The following LRP1B variants were observed in gnomAD, a reference collection of about 807,000 sequenced individuals.
LRP1B encodes low-density lipoprotein receptor-related protein 1B.
A neutral mutation model predicts 556.6 loss-of-function variants in LRP1B; 217 were observed. The ratio of observed to expected loss-of-function variants is 0.39; its 90% CI spans 0.35 to 0.44. LRP1B has a LOEUF of 0.44. Ranked by LOEUF, LRP1B falls within the 20% of genes least tolerant of loss-of-function variation. The pLI is 1.00. For synonymous variants in LRP1B, 2,047 were observed against 1,865.8 expected (o/e 1.10, Z -2.50); for missense variants, 5,053 against 5,620.8 (o/e 0.90, Z 3.23).
At chr2:140,793,629 T>C (rs928022209) in intron 32 of LRP1B, among the ~76,000 whole-genome samples, 9 of 152,052 alleles carry the variant, frequency 5.9e-5, no homozygotes, top group African/African-American at 1.9e-4. Flanking sequence ...TGTTCTCATT[T>C]GCCATGTCCC....
At chr2:141,373,460 T>C (rs1003795208) in intron 3 of LRP1B, among the ~76,000 whole-genome samples, 1 of 152,158 alleles carries the variant, frequency 6.6e-6, no homozygotes, top group African/African-American at 2.4e-5. Flanking sequence ...TACCTATTAT[T>C]GTATTGCTGT....
chr2:142,123,854 G>A (rs10496912), intron 1 of LRP1B, among the ~76,000 whole-genome samples: 39,246 of 151,482 alleles, frequency 0.26, 5,303 homozygotes, highest in Middle Eastern at 0.43. Context: ...TAAACAAATG[G>A]ATCTGTGGTA....
At chr2:140,267,894 C>A (rs1202530978) in intron 86 of LRP1B, among the ~76,000 whole-genome samples, 1 of 151,700 alleles carries the variant, frequency 6.6e-6, no homozygotes, top group African/African-American at 2.4e-5. Flanking sequence ...GGCCAATTAT[C>A]ATTTTTAAAT....
At chr2:141,075,642 C>T (rs1574048578) in intron 7 of LRP1B, among the ~76,000 whole-genome samples, 1 of 152,032 alleles carries the variant, frequency 6.6e-6, no homozygotes, top group East Asian at 1.9e-4. Context: ...AGGTGGGTAA[C>T]CTGATTCTGC....
intron 5 of LRP1B, among the ~76,000 whole-genome samples, chr2:141,236,566 G>A (rs1683653774): frequency 1.3e-5 from 2 of 152,134 alleles, no homozygotes; most frequent in Non-Finnish European, 2.9e-5. Context: ...ATGATAACAT[G>A]TTGGATTATT....
intron 1 of LRP1B, among the ~76,000 whole-genome samples, chr2:141,960,791 A>G (rs1198203918): frequency 6.6e-6 from 1 of 151,856 alleles, no homozygotes. Flanking sequence ...ACACTGATTA[A>G]TGTTTACAAT....
intron 7 of LRP1B, among the ~76,000 whole-genome samples, chr2:141,104,686 T>G (rs1473867701): frequency 6.6e-6 from 1 of 152,082 alleles, no homozygotes; most frequent in Non-Finnish European, 1.5e-5. Context: ...ATCTTTAAAA[T>G]TTCTAGAAAG....
chr2:140,530,090 C>T (rs148789564), intron 47 of LRP1B, among the ~76,000 whole-genome samples: 253 of 152,244 alleles, frequency 1.7e-3, no homozygotes, highest in African/African-American at 6.0e-3. Context: ...TTACTACTGA[C>T]ATCTAAATTC....
At position 141,401,520 on chromosome 2, in the gene LRP1B, T is replaced by C. The variant is rs527667610; in HGVS notation, c.343+78876A>G. On this transcript the variant is annotated intron_variant, in intron 3 of 90. Transcript: ENST00000389484. ...CTGTGTTGAGCAGATGGTCAATGTC[T>C]ATAGCCAGTGTGCCTGTCCATGTTA... Among the ~76,000 whole-genome samples, 4 of 152,292 alleles carry C rather than the reference T, an allele frequency of 2.6e-5. No individual in the cohort carries two copies. The East Asian group carries it at 7.7e-4, about 29-fold the overall frequency.
chr2:141,164,104 T>C (rs1276083046), intron 7 of LRP1B, among the ~76,000 whole-genome samples: 1 of 151,992 alleles, frequency 6.6e-6, no homozygotes, highest in Non-Finnish European at 1.5e-5. Flanking sequence ...TAAATATGGG[T>C]AAGATAATTA....
intron 18 of LRP1B, among the ~76,000 whole-genome samples, chr2:140,959,565 AAAT>A (rs951724473): frequency 2.0e-5 from 3 of 151,730 alleles, no homozygotes; most frequent in African/African-American, 4.8e-5. Flanking sequence ...GTAATTAAGA[AAAT>A]AATAAATTTG....
chr2:141,746,133 C>T (rs911507305), intron 2 of LRP1B, among the ~76,000 whole-genome samples: 2 of 152,086 alleles, frequency 1.3e-5, no homozygotes, highest in Non-Finnish European at 2.9e-5. Flanking sequence ...TACAAGCACT[C>T]CCTTAGCCAC....
intron 2 of LRP1B, among the ~76,000 whole-genome samples, chr2:141,530,970 C>A (rs1246489141): frequency 6.9e-6 from 1 of 145,054 alleles, no homozygotes; most frequent in Admixed American, 6.9e-5. Flanking sequence ...TTTTTTTTTT[C>A]TGAGTAAAGT....
intron 3 of LRP1B, among the ~76,000 whole-genome samples, chr2:141,459,300 A>T (rs1159000925): frequency 6.6e-6 from 1 of 152,098 alleles, no homozygotes; most frequent in African/African-American, 2.4e-5. Flanking sequence ...GTGAAGAAAT[A>T]TCTTGACCCA....
At chr2:142,103,107 A>C (rs1324352349) in intron 1 of LRP1B, among the ~76,000 whole-genome samples, 1 of 151,930 alleles carries the variant, frequency 6.6e-6, no homozygotes, top group Non-Finnish European at 1.5e-5. Context: ...GGGTTAAGTA[A>C]TGTTTTTGCT....
Position 140,312,600 on chromosome 2 carries a change from A to G in LRP1B, c.12805+2335T>C, listed in dbSNP as rs75460533. On this transcript the variant is annotated intron_variant, in intron 83 of 90. Coordinates refer to ENST00000389484, the MANE Select transcript of LRP1B (RefSeq NM_018557.3). ...TTTTCAATAACAAATGCTTAATACT[A>G]TGCTTTACTCTGATTTCAATTATTT... 5.1e-3 allele frequency among the ~76,000 whole-genome samples: 773 copies of G among 152,044 alleles called. 6 individuals carry two copies. The highest frequency in any genetic ancestry group is 0.017 in the African/African-American group (719 of 41,568).
intron 71 of LRP1B, among the ~76,000 whole-genome samples, chr2:140,370,342 C>A (rs776102448): frequency 2.0e-5 from 3 of 151,888 alleles, no homozygotes; most frequent in African/African-American, 7.3e-5. Flanking sequence ...GTAAGGCAAG[C>A]AATGTGAAAG....
At chr2:140,318,644 G>T (rs1447439875) in intron 82 of LRP1B, among the ~76,000 whole-genome samples, 1 of 152,006 alleles carries the variant, frequency 6.6e-6, no homozygotes, top group Non-Finnish European at 1.5e-5. Context: ...CTGGAAGCTA[G>T]AATTTCCAAT....
intron 67 of LRP1B, 113 bp from the exon 68 acceptor site, chr2:140,378,399 C>T (rs1056091208): frequency 4.9e-6 from 3 of 608,482 alleles, no homozygotes; most frequent in Non-Finnish European, 8.8e-6. Flanking sequence ...GTTAGTCAGA[C>T]AGAACCAATA....
Sources: allele counts gnomAD v4.1 joint callset (sites outside exome capture counted in the v4.1 genomes callset), GRCh38; gene constraint gnomAD v4.1.1; transcripts MANE v1.5; gene names NCBI Gene and HGNC (gene_info 2026-07-23, HGNC 2026-07-21).